Variants in DNAH5 observed in about 807,000 individuals in gnomAD.
DNAH5 encodes the protein dynein axonemal heavy chain 5.
DNAH5 carries 372 observed loss-of-function variants against 518.2 expected under a neutral mutation model. The ratio of observed to expected loss-of-function variants is 0.72; its 90% CI spans 0.66 to 0.78. The LOEUF (loss-of-function observed/expected upper bound fraction) is 0.78. Among genes scored for constraint, DNAH5 ranks in the 30% least tolerant of loss-of-function variants. The pLI, the probability that DNAH5 is intolerant of heterozygous loss-of-function variation, is 0.00. For missense variants in DNAH5, 5,523 were observed against 5,687.0 expected (o/e 0.97, Z 0.93); for synonymous variants, 2,039 against 2,025.9 (o/e 1.01, Z -0.17).
intron 35 of DNAH5, among the ~76,000 whole-genome samples, chr5:13,838,145 C>T (rs1409328549): frequency 6.6e-6 from 1 of 152,100 alleles, no homozygotes; most frequent in African/African-American, 2.4e-5. Context: ...TCAGTGCATA[C>T]CTGAAGCGAA....
chr5:13,729,387 C>A, intron 69 of DNAH5, 52 bp downstream of exon 69: 1 of 1,611,094 alleles, frequency 6.2e-7, no homozygotes, highest in South Asian at 1.1e-5. Flanking sequence ...AGTGATAAAT[C>A]AGAAAGCTGC....
chr5:13,890,042 G>A (rs888756390), intron 17 of DNAH5, among the ~76,000 whole-genome samples: 2 of 152,188 alleles, frequency 1.3e-5, no homozygotes, highest in Admixed American at 1.3e-4. Flanking sequence ...CTGCTCCCAG[G>A]AGCTTACTCC....
intron 78 of DNAH5, among the ~76,000 whole-genome samples, chr5:13,700,439 C>T (rs557228269): frequency 1.3e-5 from 2 of 152,280 alleles, no homozygotes; most frequent in East Asian, 3.9e-4. Flanking sequence ...CAAGTACTAT[C>T]TAGAACTATT....
intron 27 of DNAH5, 39 bp downstream of exon 27, chr5:13,865,629 A>G (rs1169334325): frequency 1.6e-6 from 2 of 1,243,084 alleles, no homozygotes; most frequent in East Asian, 2.3e-5. Context: ...AAGCATTTGA[A>G]GTTCAATTGC....
intron 4 of DNAH5, 21 bp from the exon 5 acceptor site, chr5:13,922,349 C>A (rs1777404748): frequency 6.3e-7 from 1 of 1,598,958 alleles, no homozygotes; most frequent in Admixed American, 1.7e-5. Flanking sequence ...GGCAGGAGAT[C>A]TTTTATTGTA....
intron 65 of DNAH5, among the ~76,000 whole-genome samples, chr5:13,738,042 A>G (rs1030778406): frequency 1.3e-5 from 2 of 151,828 alleles, no homozygotes; most frequent in Non-Finnish European, 2.9e-5. Flanking sequence ...CAGCCTGGAC[A>G]ACAGAGTGAG....
intron 1 of DNAH5, among the ~76,000 whole-genome samples, chr5:14,000,431 G>A (rs1022013345): frequency 1.3e-5 from 2 of 152,186 alleles, no homozygotes; most frequent in Admixed American, 1.3e-4. Flanking sequence ...ATGCCACCCA[G>A]TTTGTGATAA....
intron 31 of DNAH5, among the ~76,000 whole-genome samples, chr5:13,845,832 C>CTTTTT (rs557275110): frequency 9.0e-6 from 1 of 110,666 alleles, no homozygotes; most frequent in Non-Finnish European, 1.8e-5. Context: ...CTTTTTTGAC[C>CTTTTT]TTTTTTTTTT....
Position 13,820,398 on chromosome 5 carries a change from G to A in DNAH5, c.6789C>T (p.Pro2263=). 1 of 1,610,352 alleles carries A rather than the reference G, an allele frequency of 6.2e-7. No individual in the cohort carries two copies. The highest frequency in any genetic ancestry group is 8.5e-7 in the Non-Finnish European group (1 of 1,178,628). The change falls in exon 41 of 79, where the codon CCC becomes CCT. Residue 2263 remains proline, a synonymous_variant. Coordinates refer to ENST00000265104, the MANE Select transcript of DNAH5 (RefSeq NM_001369.3). The part of the protein sequence containing the change: ...RVRHGMMTLG[P]SGAGKTTCIH... ...TGCAGGTGGTCTTCCCAGCCCCACT[G>A]GGCCCCAGAGTCATCATCCCATGTC...
chr5:13,808,096 G>A (rs546194431), intron 46 of DNAH5, among the ~76,000 whole-genome samples: 3 of 151,696 alleles, frequency 2.0e-5, no homozygotes, highest in African/African-American at 7.3e-5. Flanking sequence ...CAGGTGTGGT[G>A]GTGTGCACCT....
chr5:13,944,318 C>T, intron 1 of DNAH5, 64 bp downstream of exon 1: 1 of 1,547,688 alleles, frequency 6.5e-7, no homozygotes, highest in Non-Finnish European at 8.9e-7. Context: ...TTGTTTTTTC[C>T]ACCCAGGTGT....
intron 42 of DNAH5, 43 bp from the exon 43 acceptor site, chr5:13,814,889 A>C: frequency 6.3e-7 from 1 of 1,582,652 alleles, no homozygotes; most frequent in Non-Finnish European, 8.7e-7. Flanking sequence ...ACATACACTC[A>C]TGCAGTGCAT....
intron 19 of DNAH5, 81 bp from the exon 20 acceptor site, chr5:13,883,175 A>G (rs1314354322): frequency 7.3e-7 from 1 of 1,369,844 alleles, no homozygotes; most frequent in Non-Finnish European, 1.0e-6. Context: ...TAAAAATTAA[A>G]ACAATACATA....
intron 55 of DNAH5, among the ~76,000 whole-genome samples, chr5:13,771,745 A>G (rs1047503878): frequency 2.6e-5 from 4 of 152,244 alleles, no homozygotes; most frequent in Admixed American, 1.3e-4. Flanking sequence ...CAAGCATCAC[A>G]CAAAATACGG....
intron 53 of DNAH5, among the ~76,000 whole-genome samples, 169 bp downstream of exon 53, chr5:13,780,660 G>A (rs1754963506): frequency 6.6e-6 from 1 of 152,200 alleles, no homozygotes; most frequent in South Asian, 2.1e-4. Flanking sequence ...ACTGTGAAAT[G>A]TTTATGATCT....
chr5:13,991,972 G>C (rs946958000), intron 1 of DNAH5, among the ~76,000 whole-genome samples: 1 of 152,148 alleles, frequency 6.6e-6, no homozygotes, highest in Non-Finnish European at 1.5e-5. Flanking sequence ...ACACGAAGCA[G>C]AATGAACGGA....
chr5:13,864,592 C>CA lies in DNAH5; in HGVS notation c.4400dup (p.Leu1467PhefsTer8), dbSNP rs1252973555. 3.7e-6 allele frequency: 6 copies of CA among 1,613,734 alleles called. No individual in the cohort carries two copies. Among genetic ancestry groups the CA allele is most frequent in the African/African-American group, 1.3e-5 (1 of 74,860 alleles). On this transcript the variant is annotated frameshift_variant, in exon 28 of 79. Coordinates refer to ENST00000265104, the MANE Select transcript of DNAH5 (RefSeq NM_001369.3). LOFTEE classifies it high-confidence loss of function. The stretch of plus-strand genomic sequence containing the variant: ...AATCATCAATGATCTTCTTCAGGTC[C>CA]AAAAAAGCCTGCCAGTCCTTCAAGG...
rs764970736 is a variant in DNAH5, at chr5:13,867,885, G to A, written c.3942C>T (p.Gly1314=). Residue 1314 remains glycine, a synonymous_variant, in exon 25 of 79, where the codon GGC becomes GGT. Coordinates refer to ENST00000265104, the MANE Select transcript of DNAH5 (RefSeq NM_001369.3). ...GTGAGACTAATTTATTCTGGACTTC[G>A]CCAGCACGTGCCAGCAGCTTCTCCC... ...YAWEKLLARA[G]EVQNKLVSLQ... The A allele has an allele frequency of 5.6e-6, 9 of 1,613,978 alleles. No homozygotes were observed. Among genetic ancestry groups the A allele is most frequent in the South Asian group, 1.1e-5 (1 of 91,072 alleles).
At position 13,923,369 on chromosome 5, in the gene DNAH5, C is replaced by T. The variant is rs116128702; in HGVS notation, c.349G>A (p.Glu117Lys). 49 of 1,614,172 alleles carry T rather than the reference C, an allele frequency of 3.0e-5. No individual in the cohort carries two copies. Among genetic ancestry groups the T allele is most frequent in the East Asian group, 6.7e-5 (3 of 44,886 alleles). ...KIKKPKVFVT[E>K]GNDVALTGVC... Reference sequence around the variant, plus strand: ...CCAGTAAGAGCCACATCGTTTCCCTCGGTCACGAACACCTTAGGTTTTTTA... The same window carrying T: ...CCAGTAAGAGCCACATCGTTTCCCTTGGTCACGAACACCTTAGGTTTTTTA... Residue 117 changes from glutamate (E) to lysine (K), a missense_variant, in exon 4 of 79, where the codon GAG (glutamate) becomes AAG (lysine). By Grantham distance (56) the Glu-to-Lys change is moderately conservative (BLOSUM62 1). Coordinates refer to ENST00000265104, the MANE Select transcript of DNAH5 (RefSeq NM_001369.3).
Sources: gnomAD v4.1 joint callset for allele counts (sites outside exome capture counted in the v4.1 genomes callset) on GRCh38, gnomAD v4.1.1 for gene constraint, MANE v1.5 for transcripts, NCBI Gene and HGNC (gene_info 2026-07-23, HGNC 2026-07-21) for gene names.